Variants in TMEM200A observed in about 807,000 individuals in gnomAD.
The protein encoded by TMEM200A is transmembrane protein 200A.
A neutral mutation model predicts 24.3 loss-of-function variants in TMEM200A; 12 were observed. The observed-to-expected ratio is 0.49, with a 90% CI of 0.32 to 0.80. TMEM200A has a LOEUF of 0.80. Among genes scored for constraint, TMEM200A ranks in the 30% least tolerant of loss-of-function variants. The pLI is 0.04. For missense variants in TMEM200A, 545 were observed against 614.4 expected, an observed-to-expected ratio of 0.89 and a Z score of 1.19; for synonymous variants, 224 against 224.4, an observed-to-expected ratio of 1.00 and a Z score of 0.02.
chr6:130,435,007 T>C (rs79208612), intron 2 of TMEM200A, among the ~76,000 whole-genome samples: 2,767 of 151,804 alleles, frequency 0.018, 23 homozygotes, highest in Non-Finnish European at 0.027. Context: ...GTAATCTTGA[T>C]GTCTATTGCT....
intron 2 of TMEM200A, among the ~76,000 whole-genome samples, chr6:130,403,613 T>C (rs1412461428): frequency 6.6e-6 from 1 of 151,492 alleles, no homozygotes; most frequent in African/African-American, 2.4e-5. Flanking sequence ...TAAATCCTTC[T>C]TATTTCAGGA....
At chr6:130,428,282 A>T (rs890503492) in intron 2 of TMEM200A, among the ~76,000 whole-genome samples, 3 of 152,160 alleles carry the variant, frequency 2.0e-5, no homozygotes, top group Non-Finnish European at 4.4e-5. Context: ...ACAAGTAAGG[A>T]CATTTAAAAA....
At position 130,423,842 on chromosome 6, in the gene TMEM200A, G is replaced by T. The variant is rs2067879; in HGVS notation, c.-16-16565G>T. On this transcript the variant is annotated intron_variant, in intron 2 of 2. Transcript: ENST00000296978. ...TTTGAGCTTGATTTACGCATTAGGT[G>T]GTATGTGTTTGTTTTCGCTTCTGTT... Among the ~76,000 whole-genome samples the T allele has an allele frequency of 2.8e-3, 433 of 152,090 alleles. 3 individuals are homozygous for T. Among genetic ancestry groups the T allele is most frequent in the African/African-American group, 0.01 (417 of 41,510 alleles).
At chr6:130,386,953 C>T (rs1778724556) in intron 2 of TMEM200A, among the ~76,000 whole-genome samples, 1 of 152,180 alleles carries the variant, frequency 6.6e-6, no homozygotes, top group South Asian at 2.1e-4. Flanking sequence ...AACCTGAAAC[C>T]GTCCAGTTAT....
chr6:130,385,236 G>C lies in TMEM200A; in HGVS notation c.-17G>C, dbSNP rs567389957. ...ATTTCCTGGGACATCTGGCTCTGGAGGTGAGCGACAGCAGGGAATGACGTC... is the reference window on the plus strand; with the variant it reads ...ATTTCCTGGGACATCTGGCTCTGGACGTGAGCGACAGCAGGGAATGACGTC... On this transcript the variant is annotated splice_region_variant and 5_prime_UTR_variant, in exon 2 of 3. Coordinates refer to ENST00000296978, the MANE Select transcript of TMEM200A (RefSeq NM_001258277.2). 1 of 152,346 alleles carries C rather than the reference G, an allele frequency of 6.6e-6. No individual in the cohort carries two copies. Among genetic ancestry groups the C allele is most frequent in the South Asian group, 2.1e-4 (1 of 4,830 alleles). 9.4% of individuals were successfully genotyped at this position (152,346 alleles called of 1,614,324 possible).
chr6:130,427,221 T>A (rs1203466777), intron 2 of TMEM200A, among the ~76,000 whole-genome samples: 1 of 152,196 alleles, frequency 6.6e-6, no homozygotes, highest in African/African-American at 2.4e-5. Context: ...ACATGTTCCT[T>A]GCATAGGTCA....
intron 2 of TMEM200A, chr6:130,437,585 C>T (rs1780052718): frequency 1.3e-5 from 2 of 152,140 alleles, no homozygotes; most frequent in Non-Finnish European, 1.5e-5. Flanking sequence ...GTCTTGGTGC[C>T]TCTGTCTGGG....
chr6:130,391,838 G>A (rs1778840877), intron 2 of TMEM200A, among the ~76,000 whole-genome samples: 1 of 145,014 alleles, frequency 6.9e-6, no homozygotes, highest in Admixed American at 7.2e-5. Flanking sequence ...CACCTCCTGG[G>A]TTAACACCAT....
chr6:130,419,547 G>C (rs947187651), intron 2 of TMEM200A, among the ~76,000 whole-genome samples: 12 of 152,094 alleles, frequency 7.9e-5, no homozygotes, highest in African/African-American at 2.4e-4. Flanking sequence ...ACAGTGTATA[G>C]GACTTCCCTT....
chr6:130,431,663 T>C (rs1779877737), intron 2 of TMEM200A, among the ~76,000 whole-genome samples: 1 of 152,100 alleles, frequency 6.6e-6, no homozygotes, highest in African/African-American at 2.4e-5. Context: ...TATGGATCTG[T>C]TACTTGGCCT....
At chr6:130,383,563 C>T (rs531800937) in intron 1 of TMEM200A, among the ~76,000 whole-genome samples, 1 of 152,224 alleles carries the variant, frequency 6.6e-6, no homozygotes, top group Non-Finnish European at 1.5e-5. Flanking sequence ...AAATACTGAT[C>T]AATAAATTAT....
At position 130,423,019 on chromosome 6, in the gene TMEM200A, G is replaced by A. The variant is rs1034221116; in HGVS notation, c.-16-17388G>A. 3.3e-5 allele frequency among the ~76,000 whole-genome samples: 5 copies of A among 152,170 alleles called. No homozygotes were observed. In the South Asian group the frequency reaches 1.0e-3, roughly 31 times the overall value. Reference sequence around the variant, plus strand: ...AAATTGAACTTGGCATAACAACAAAGTAATTTGACTTTTTAGAATAAAGAT... The same window carrying A: ...AAATTGAACTTGGCATAACAACAAAATAATTTGACTTTTTAGAATAAAGAT... On this transcript the variant is annotated intron_variant, in intron 2 of 2. Coordinates refer to ENST00000296978, the MANE Select transcript of TMEM200A (RefSeq NM_001258277.2).
At chr6:130,427,394 A>G (rs974900092) in intron 2 of TMEM200A, among the ~76,000 whole-genome samples, 6 of 152,162 alleles carry the variant, frequency 3.9e-5, no homozygotes, top group African/African-American at 1.4e-4. Context: ...ATATCTGTAT[A>G]ATATTCCATT....
At chr6:130,384,583 A>T (rs951322549) in intron 1 of TMEM200A, among the ~76,000 whole-genome samples, 1 of 152,160 alleles carries the variant, frequency 6.6e-6, no homozygotes, top group Non-Finnish European at 1.5e-5. Flanking sequence ...AAGTGCTGCA[A>T]TTATAGGTGT....
intron 2 of TMEM200A, among the ~76,000 whole-genome samples, chr6:130,408,139 G>C (rs746441476): frequency 1.8e-4 from 27 of 152,280 alleles, no homozygotes; most frequent in Non-Finnish European, 3.1e-4. Flanking sequence ...GCACAATACT[G>C]TAGTGGCCCA....
intron 2 of TMEM200A, among the ~76,000 whole-genome samples, chr6:130,422,452 A>G (rs1585713): frequency 0.039 from 5,900 of 152,110 alleles, 374 homozygotes; most frequent in African/African-American, 0.13. Context: ...TATTTTTAGT[A>G]GAGGGGGTTT....
chr6:130,433,136 C>CTTT (rs34311658), intron 2 of TMEM200A, among the ~76,000 whole-genome samples: 6 of 138,438 alleles, frequency 4.3e-5, no homozygotes, highest in African/African-American at 1.6e-4. Flanking sequence ...AAAAGATGAT[C>CTTT]TTTTTTTTTT....
At chr6:130,432,900 C>T (rs1779911782) in intron 2 of TMEM200A, among the ~76,000 whole-genome samples, 1 of 152,118 alleles carries the variant, frequency 6.6e-6, no homozygotes, top group Non-Finnish European at 1.5e-5. Flanking sequence ...ATTCATTGTT[C>T]AAATGTGGTT....
chr6:130,418,167 A>C (rs1779502144), intron 2 of TMEM200A, among the ~76,000 whole-genome samples: 1 of 152,132 alleles, frequency 6.6e-6, no homozygotes, highest in African/African-American at 2.4e-5. Flanking sequence ...CTTCTTAAGG[A>C]AAGACTGGCT....
Sources: gnomAD v4.1 joint callset for allele counts (sites outside exome capture counted in the v4.1 genomes callset) on GRCh38, gnomAD v4.1.1 for gene constraint, MANE v1.5 for transcripts, NCBI Gene and HGNC (gene_info 2026-07-23, HGNC 2026-07-21) for gene names.